MYO18B: variants seen among roughly 807,000 people sequenced by gnomAD.
MYO18B encodes the protein myosin XVIIIB.
Under a neutral mutation model 273.0 loss-of-function variants are expected in MYO18B, and 204 were observed. The ratio of observed to expected loss-of-function variants is 0.75; its 90% CI spans 0.67 to 0.84. The LOEUF is 0.84. Among genes scored for constraint, MYO18B ranks in the 40% least tolerant of loss-of-function variants. The pLI, the probability that MYO18B is intolerant of heterozygous loss-of-function variation, is 0.00. For missense variants in MYO18B, 3,212 were observed against 3,287.6 expected (o/e 0.98, Z 0.56); for synonymous variants, 1,330 against 1,305.7 (o/e 1.02, Z -0.40).
At chr22:26,058,315 G>A in the MYO18B span, among the ~76,000 whole-genome samples, 2 of 152,244 alleles carry the variant, frequency 1.3e-5, no homozygotes, top group East Asian at 3.9e-4. Flanking sequence ...TTGAGGGGAC[G>A]GGATATGAGA....
intron 33 of MYO18B, 43 bp downstream of exon 33, chr22:25,911,093 G>A (rs1231474522): frequency 7.0e-7 from 1 of 1,437,660 alleles, no homozygotes; most frequent in African/African-American, 1.4e-5. Context: ...AGTATCTCAG[G>A]GACCTATTTG....
intron 34 of MYO18B, among the ~76,000 whole-genome samples, chr22:25,931,938 T>G (rs954313346): frequency 1.3e-5 from 2 of 151,840 alleles, no homozygotes; most frequent in African/African-American, 4.8e-5. Flanking sequence ...GGTTTCACCA[T>G]GTTGCCCAGG....
At chr22:26,059,045 AAGAAAAGGTTAT>A in the MYO18B span, among the ~76,000 whole-genome samples, 1 of 151,770 alleles carries the variant, frequency 6.6e-6, no homozygotes, top group Admixed American at 6.6e-5. Context: ...ACCATGATAA[AAGAAAAGGTTAT>A]AGAATTGGGA....
chr22:25,743,532 G>A (rs1211191512), intron 1 of MYO18B, among the ~76,000 whole-genome samples: 2 of 151,842 alleles, frequency 1.3e-5, no homozygotes, highest in Non-Finnish European at 2.9e-5. Context: ...AGCAGGAGGA[G>A]AAAGAGAAGA....
chr22:25,873,448 TCTTTC>T (rs1340042154), intron 22 of MYO18B, among the ~76,000 whole-genome samples: 1 of 152,150 alleles, frequency 6.6e-6, no homozygotes, highest in Non-Finnish European at 1.5e-5. Context: ...GTTTCTTTTT[TCTTTC>T]CTTTCTTTTT....
chr22:25,913,961 A>G (rs1014029170), intron 33 of MYO18B, among the ~76,000 whole-genome samples: 2 of 152,200 alleles, frequency 1.3e-5, no homozygotes, highest in South Asian at 2.1e-4. Flanking sequence ...TAAAAGTTCT[A>G]AAGTATTGCT....
At chr22:25,937,368 G>A (rs1178822559) in intron 34 of MYO18B, among the ~76,000 whole-genome samples, 3 of 151,996 alleles carry the variant, frequency 2.0e-5, no homozygotes, top group South Asian at 2.1e-4. Context: ...ACAGCTGTAA[G>A]CCACCATGCC....
chr22:25,823,716 C>T (rs556016631), intron 13 of MYO18B, 38 bp downstream of exon 13: 30 of 1,605,760 alleles, frequency 1.9e-5, no homozygotes, highest in Admixed American at 1.2e-4. Context: ...GCTGGGCCCC[C>T]CTCTGGGCCA....
intron 36 of MYO18B, among the ~76,000 whole-genome samples, chr22:25,948,434 C>T (rs1413150964): frequency 8.9e-6 from 1 of 111,876 alleles, no homozygotes; most frequent in South Asian, 3.1e-4. Context: ...TTCCTTCCTT[C>T]CTTCCTTCCT....
chr22:25,810,011 A>G (rs1219616634), intron 12 of MYO18B, among the ~76,000 whole-genome samples: 1 of 151,890 alleles, frequency 6.6e-6, no homozygotes, highest in Non-Finnish European at 1.5e-5. Context: ...AAAAAAAAAA[A>G]AGGTCTTTCC....
intron 42 of MYO18B, among the ~76,000 whole-genome samples, chr22:26,015,299 GTA>G (rs1391244864): frequency 1.3e-4 from 20 of 152,154 alleles, no homozygotes; most frequent in African/African-American, 4.6e-4. Context: ...CCATTACTGG[GTA>G]TATACCCAAA....
chr22:25,868,629 A>G (rs960348665), intron 22 of MYO18B, among the ~76,000 whole-genome samples: 1 of 152,186 alleles, frequency 6.6e-6, no homozygotes, highest in African/African-American at 2.4e-5. Flanking sequence ...GGGGACCCCA[A>G]GTGGTTTGGA....
intron 12 of MYO18B, among the ~76,000 whole-genome samples, chr22:25,809,029 C>T (rs1048867214): frequency 4.6e-5 from 7 of 152,096 alleles, no homozygotes; most frequent in South Asian, 4.1e-4. Flanking sequence ...CAGCAACCTC[C>T]GCCTCCTGGG....
chr22:25,762,789 GT>G (rs2086368564), intron 2 of MYO18B, among the ~76,000 whole-genome samples: 1 of 152,212 alleles, frequency 6.6e-6, no homozygotes, highest in Non-Finnish European at 1.5e-5. Flanking sequence ...TGATTAATTG[GT>G]TCATCTATTA....
the MYO18B span, among the ~76,000 whole-genome samples, chr22:26,049,872 A>C: frequency 6.6e-6 from 1 of 152,226 alleles, no homozygotes; most frequent in East Asian, 1.9e-4. Context: ...TAAGTGCTGG[A>C]CACAGTGGCT....
chr22:25,799,269 C>T (rs1328441364), intron 12 of MYO18B, among the ~76,000 whole-genome samples: 1 of 151,996 alleles, frequency 6.6e-6, no homozygotes, highest in African/African-American at 2.4e-5. Flanking sequence ...TAATGTCATT[C>T]TCCGCTTAGA....
At position 26,026,830 on chromosome 22, in the gene MYO18B, G is replaced by T. The variant is rs746030498; in HGVS notation, c.6856G>T (p.Ala2286Ser). ...TCTCCCCATTTACCAGACGACTGGG[G>T]CCTCCACACTAAGGAGGGGCAGGGC... Reference protein sequence around the residue: ...PTLPIYQTTGASTLRRGRAGS... With the variant: ...PTLPIYQTTGSSTLRRGRAGS... The change falls in exon 43 of 44, where the codon GCC becomes TCC. Residue 2286 changes from alanine to serine, a missense_variant. By Grantham distance (99) the Ala-to-Ser change is moderately conservative. Coordinates refer to ENST00000335473, the MANE Select transcript of MYO18B (RefSeq NM_032608.7). 2.2e-5 allele frequency: 35 copies of T among 1,593,658 alleles called. No homozygotes were observed. Among genetic ancestry groups the T allele is most frequent in the Non-Finnish European group, 2.9e-5 (34 of 1,170,316 alleles).
At chr22:25,916,177 C>A (rs115172431) in intron 33 of MYO18B, among the ~76,000 whole-genome samples, 27 of 152,000 alleles carry the variant, frequency 1.8e-4, no homozygotes, top group Non-Finnish European at 3.8e-4. Flanking sequence ...TCTACTGTAT[C>A]AGATTATTTT....
intron 15 of MYO18B, among the ~76,000 whole-genome samples, chr22:25,831,781 A>G (rs1434515029): frequency 1.3e-5 from 2 of 152,198 alleles, no homozygotes; most frequent in East Asian, 1.9e-4. Flanking sequence ...TTCTCAGTAA[A>G]TATTTTAAAA....
Sources: allele counts gnomAD v4.1 joint callset (sites outside exome capture counted in the v4.1 genomes callset), GRCh38; gene constraint gnomAD v4.1.1; transcripts MANE v1.5; gene names NCBI Gene and HGNC (gene_info 2026-07-23, HGNC 2026-07-21).